The following RSF1 variants were observed in gnomAD, a reference collection of about 807,000 sequenced individuals.
RSF1 encodes the protein remodeling and spacing factor 1, also known as HBV pX-associated protein 8.
A neutral mutation model predicts 145.2 loss-of-function variants in RSF1; 13 were observed. The ratio of observed to expected loss-of-function variants is 0.09; its 90% CI spans 0.06 to 0.14. RSF1 has a LOEUF of 0.14. Among genes scored for constraint, RSF1 ranks in the 10% least tolerant of loss-of-function variants. The probability of loss-of-function intolerance (pLI) is 1.00; values close to 1 mark genes in which losing one functional copy is unlikely to be tolerated. For synonymous variants in RSF1, 577 were observed against 592.6 expected (o/e 0.97, Z 0.38); for missense variants, 1,517 against 1,718.2 (o/e 0.88, Z 2.07).
At chr11:77,763,205 G>C (rs1463951401) in intron 2 of RSF1, 1 of 152,228 alleles carries the variant, frequency 6.6e-6, no homozygotes, top group East Asian at 1.9e-4. Flanking sequence ...AGCCAGGCAT[G>C]GTGGCACGCA....
At chr11:77,708,226 C>T (rs1960599112) in intron 5 of RSF1, among the ~76,000 whole-genome samples, 1 of 152,100 alleles carries the variant, frequency 6.6e-6, no homozygotes, top group Non-Finnish European at 1.5e-5. Context: ...TTGAGACCAG[C>T]CTGGGCAACA....
intron 9 of RSF1, among the ~76,000 whole-genome samples, chr11:77,688,986 T>G (rs1305275778): frequency 6.6e-6 from 1 of 152,224 alleles, no homozygotes; most frequent in Non-Finnish European, 1.5e-5. Context: ...TGGGACAAGC[T>G]GATTGCCTTA....
At chr11:77,737,237 C>T (rs1335759597) in intron 4 of RSF1, among the ~76,000 whole-genome samples, 4 of 152,008 alleles carry the variant, frequency 2.6e-5, no homozygotes, top group Non-Finnish European at 4.4e-5. Context: ...AGCTTGTGCT[C>T]GGGAGTTCGA....
chr11:77,860,831 G>A, the RSF1 span, among the ~76,000 whole-genome samples: 1 of 152,188 alleles, frequency 6.6e-6, no homozygotes, highest in Non-Finnish European at 1.5e-5. Context: ...ATTTGGGAAA[G>A]CAGAGTACAA....
chr11:77,761,286 C>T (rs185456497), intron 2 of RSF1, among the ~76,000 whole-genome samples: 21 of 152,094 alleles, frequency 1.4e-4, no homozygotes, highest in Admixed American at 1.3e-3. Context: ...AAGTACTGAG[C>T]CCCCCAAAAT....
chr11:77,671,940 T>G (rs547959292), intron 15 of RSF1, 102 bp downstream of exon 15: 1 of 1,116,802 alleles, frequency 9.0e-7, no homozygotes, highest in African/African-American at 1.6e-5. Context: ...GGCCTGGTTA[T>G]ATGAGTTTCA....
At position 77,683,732 on chromosome 11, in the gene RSF1, T is replaced by A. The variant is rs748378369; in HGVS notation, c.3043A>T (p.Thr1015Ser). 1 of 1,612,630 alleles carries A rather than the reference T, an allele frequency of 6.2e-7. No individual in the cohort carries two copies. Among genetic ancestry groups the A allele is most frequent in the Admixed American group, 1.7e-5 (1 of 60,004 alleles). Residue 1015 changes from threonine (T) to serine (S), a missense_variant, in exon 11 of 16, where the codon ACA (threonine) becomes TCA (serine). Thr to Ser is a moderately conservative substitution (Grantham distance 58, BLOSUM62 1). Coordinates refer to ENST00000308488, the MANE Select transcript of RSF1 (RefSeq NM_016578.4). ...TACCTGTAGCTTATACATTTCCTTG[T>A]TCTTGTTGACCTCCTTTCAAGCAAG... ...ANLLERRSTR[T>S]RKCISYRFDE...
At chr11:77,842,713 C>G in the RSF1 span, 1 of 1,541,906 alleles carries the variant, frequency 6.5e-7, no homozygotes, top group Non-Finnish European at 8.8e-7. Context: ...AAGTGAAAAA[C>G]TATTTCTCTT....
chr11:77,712,506 G>C (rs1960711645), intron 5 of RSF1, among the ~76,000 whole-genome samples: 1 of 152,096 alleles, frequency 6.6e-6, no homozygotes, highest in Admixed American at 6.6e-5. Flanking sequence ...ATGTCAACTG[G>C]TTATTTCACC....
intron 5 of RSF1, among the ~76,000 whole-genome samples, chr11:77,716,028 A>C (rs1239324500): frequency 2.6e-5 from 4 of 152,150 alleles, no homozygotes; most frequent in Non-Finnish European, 5.9e-5. Context: ...GTTCAATCTT[A>C]CTACTCATCA....
intron 1 of RSF1, among the ~76,000 whole-genome samples, chr11:77,807,800 A>G (rs1362474960): frequency 1.3e-5 from 2 of 152,186 alleles, no homozygotes; most frequent in African/African-American, 4.8e-5. Context: ...CTTCTAATGC[A>G]CAGCCCGTAG....
intron 14 of RSF1, among the ~76,000 whole-genome samples, chr11:77,674,209 CA>C (rs1177030586): frequency 6.6e-6 from 1 of 151,156 alleles, no homozygotes; most frequent in Non-Finnish European, 1.5e-5. Context: ...TAAATAAAAC[CA>C]AAAAAAACCC....
At chr11:77,737,088 G>C (rs912079563) in intron 4 of RSF1, among the ~76,000 whole-genome samples, 6 of 152,160 alleles carry the variant, frequency 3.9e-5, no homozygotes, top group Admixed American at 6.5e-5. Context: ...TGTATTCACA[G>C]ATGTCATCAA....
chr11:77,742,953 T>C (rs1434486675), intron 3 of RSF1, among the ~76,000 whole-genome samples: 1 of 152,340 alleles, frequency 6.6e-6, no homozygotes, highest in Admixed American at 6.5e-5. Context: ...TTCATTCTCC[T>C]GCATGTGGAT....
At chr11:77,699,162 G>A (rs1281086660) in intron 6 of RSF1, among the ~76,000 whole-genome samples, 1 of 152,038 alleles carries the variant, frequency 6.6e-6, no homozygotes, top group Non-Finnish European at 1.5e-5. Flanking sequence ...CTTTGTAAGA[G>A]AATGATGACT....
intron 4 of RSF1, chr11:77,735,042 G>A: frequency 1.4e-6 from 2 of 1,430,246 alleles, no homozygotes; most frequent in Non-Finnish European, 9.7e-7. Context: ...CGACTAAGGA[G>A]AGGTGGCGGC....
At chr11:77,794,172 T>G (rs143786128) in intron 1 of RSF1, among the ~76,000 whole-genome samples, 1 of 152,116 alleles carries the variant, frequency 6.6e-6, no homozygotes, top group Non-Finnish European at 1.5e-5. Flanking sequence ...AAAAGGGACT[T>G]TGCACCAAAT....
In RSF1 at chr11:77,820,539, CCGA is replaced by C; in HGVS notation, c.173_175del (p.Val58del). 1 of 1,548,176 alleles carries C rather than the reference CCGA, an allele frequency of 6.5e-7. No individual in the cohort carries two copies. Among genetic ancestry groups the C allele is most frequent in the Non-Finnish European group, 8.7e-7 (1 of 1,146,748 alleles). On this transcript the variant is annotated inframe_deletion, in exon 1 of 16. Transcript: ENST00000308488. ...GGCCCCTCGCTTACCTTCTCCGTTG[CCGA>C]CGTCCGGCGGCGGCGCCTGCAGCAC...
At position 77,666,085 on chromosome 11, in the gene RSF1, A is replaced by C. The variant is rs931539740; in HGVS notation, c.*832T>G. 2 of 152,190 alleles carry C rather than the reference A, an allele frequency of 1.3e-5. No homozygotes were observed. The highest frequency in any genetic ancestry group is 4.8e-5 in the African/African-American group (2 of 41,446). The allele number at this position is 152,190 out of a possible 1,614,324, so 9.4% of individuals were successfully genotyped here. A position where few individuals can be genotyped will look rare whatever the true frequency, so the allele number is the denominator to read the frequency against. On this transcript the variant is annotated 3_prime_UTR_variant, in exon 16 of 16. Coordinates refer to ENST00000308488, the MANE Select transcript of RSF1 (RefSeq NM_016578.4). ...ACAGTCCACCCAGGCCTTAAGAAAG[A>C]CCACATTCATTTCACTAATAACTCT...
Sources: gnomAD v4.1 joint callset for allele counts (sites outside exome capture counted in the v4.1 genomes callset) on GRCh38, gnomAD v4.1.1 for gene constraint, MANE v1.5 for transcripts, NCBI Gene and HGNC (gene_info 2026-07-23, HGNC 2026-07-21) for gene names.